The following MAD1L1 variants were observed in gnomAD, a reference collection of about 807,000 sequenced individuals.
MAD1L1 encodes mitotic spindle assembly checkpoint protein MAD1.
A neutral mutation model predicts 96.9 loss-of-function variants in MAD1L1; 95 were observed. The observed-to-expected ratio is 0.98, with a 90% CI of 0.83 to 1.16. The LOEUF (loss-of-function observed/expected upper bound fraction) is 1.16. Among genes scored for constraint, MAD1L1 ranks in the 50% most tolerant of loss-of-function variants. The pLI, the probability that MAD1L1 is intolerant of heterozygous loss-of-function variation, is 0.00. For missense variants in MAD1L1, 1,007 were observed against 954.4 expected (o/e 1.06, Z -0.73); for synonymous variants, 473 against 396.6 (o/e 1.19, Z -2.29).
intron 11 of MAD1L1, among the ~76,000 whole-genome samples, chr7:2,120,798 G>A (rs1787941431): frequency 6.6e-6 from 1 of 152,244 alleles, no homozygotes. Flanking sequence ...CCCCATGGGA[G>A]GAACTCGGGG....
intron 17 of MAD1L1, among the ~76,000 whole-genome samples, chr7:1,909,398 A>G (rs948501541): frequency 1.3e-5 from 2 of 152,210 alleles, no homozygotes; most frequent in Non-Finnish European, 1.5e-5. Context: ...TCAGTTTTAC[A>G]TTTTTAAATA....
At chr7:1,857,617 G>C (rs1784322800) in intron 18 of MAD1L1, among the ~76,000 whole-genome samples, 1 of 152,358 alleles carries the variant, frequency 6.6e-6, no homozygotes, top group South Asian at 2.1e-4. Flanking sequence ...CCCTGGACCA[G>C]GGCTGCCTGG....
intron 11 of MAD1L1, among the ~76,000 whole-genome samples, chr7:2,093,643 C>T (rs1018756822): frequency 2.0e-5 from 3 of 152,198 alleles, no homozygotes; most frequent in African/African-American, 7.2e-5. Flanking sequence ...GGTGTGGGAA[C>T]ACAGCTCACA....
At chr7:1,828,329 G>C (rs574656124) in intron 18 of MAD1L1, among the ~76,000 whole-genome samples, 1 of 152,142 alleles carries the variant, frequency 6.6e-6, no homozygotes, top group Non-Finnish European at 1.5e-5. Flanking sequence ...CCCGAGTTGA[G>C]GGACAGGGCT....
In MAD1L1 at chr7:2,226,067, C is replaced by T. The variant is rs1025487742; in HGVS notation, c.151-517G>A. On this transcript the variant is annotated intron_variant, in intron 3 of 18. Coordinates refer to ENST00000265854, the MANE Select transcript of MAD1L1 (RefSeq NM_001013836.2). The stretch of plus-strand genomic sequence containing the variant: ...TCCAAAGTCAACCACGTCCAATCTC[C>T]CTCATCAAATCCCTCTCCTGCTATG... 3.3e-5 allele frequency among the ~76,000 whole-genome samples: 5 copies of T among 152,170 alleles called. No individual in the cohort carries two copies. The East Asian group carries it at 7.7e-4, about 23-fold the overall frequency.
chr7:2,006,651 A>G (rs149375662), intron 13 of MAD1L1, among the ~76,000 whole-genome samples: 26 of 150,760 alleles, frequency 1.7e-4, no homozygotes, highest in Non-Finnish European at 3.4e-4. Flanking sequence ...GGACATCACT[A>G]AACCCACACA....
At chr7:1,928,666 G>A (rs752087372) in intron 17 of MAD1L1, among the ~76,000 whole-genome samples, 1 of 152,220 alleles carries the variant, frequency 6.6e-6, no homozygotes, top group Non-Finnish European at 1.5e-5. Flanking sequence ...CATTTGAACC[G>A]CTCAGCTGTC....
chr7:2,210,993 A>G (rs1462258707), intron 10 of MAD1L1, among the ~76,000 whole-genome samples: 9 of 152,248 alleles, frequency 5.9e-5, no homozygotes, highest in Non-Finnish European at 1.2e-4. Context: ...ACTGGCCCAG[A>G]GCAGCGCAGT....
intron 11 of MAD1L1, among the ~76,000 whole-genome samples, chr7:2,130,215 T>A (rs1251921033): frequency 6.6e-6 from 1 of 152,114 alleles, no homozygotes; most frequent in Admixed American, 6.5e-5. Context: ...ACCTGAGAGG[T>A]CCAGGGAGCT....
intron 12 of MAD1L1, among the ~76,000 whole-genome samples, chr7:2,043,331 G>C (rs1019605117): frequency 6.6e-6 from 1 of 152,228 alleles, no homozygotes; most frequent in Non-Finnish European, 1.5e-5. Context: ...CAGTGCGGCA[G>C]ACACCCCTCA....
intron 11 of MAD1L1, among the ~76,000 whole-genome samples, chr7:2,127,824 G>A (rs959373228): frequency 4.6e-5 from 7 of 152,112 alleles, no homozygotes; most frequent in Non-Finnish European, 8.8e-5. Flanking sequence ...GAAAGCCTAG[G>A]GTGGAGTTGC....
chr7:2,190,824 G>A (rs1014808589), intron 10 of MAD1L1, among the ~76,000 whole-genome samples: 1 of 152,250 alleles, frequency 6.6e-6, no homozygotes, highest in Non-Finnish European at 1.5e-5. Context: ...GGGGCCAGCG[G>A]AATTCAATGA....
intron 12 of MAD1L1, among the ~76,000 whole-genome samples, chr7:2,068,573 C>G (rs1474102599): frequency 6.6e-6 from 1 of 152,218 alleles, no homozygotes; most frequent in Non-Finnish European, 1.5e-5. Context: ...GGACACCCGC[C>G]CTGGCCCAGA....
At chr7:2,040,641 G>A (rs1189033680) in intron 12 of MAD1L1, among the ~76,000 whole-genome samples, 1 of 152,224 alleles carries the variant, frequency 6.6e-6, no homozygotes, top group Non-Finnish European at 1.5e-5. Context: ...TTGCTGGGGA[G>A]CGTCGGCATT....
At chr7:1,856,318 C>T (rs957920826) in intron 18 of MAD1L1, among the ~76,000 whole-genome samples, 1 of 152,190 alleles carries the variant, frequency 6.6e-6, no homozygotes, top group Non-Finnish European at 1.5e-5. Context: ...TGGCTGAAGA[C>T]GTGGGGCCAC....
At chr7:1,897,951 G>C (rs939214386) in intron 18 of MAD1L1, among the ~76,000 whole-genome samples, 2 of 152,262 alleles carry the variant, frequency 1.3e-5, no homozygotes, top group African/African-American at 4.8e-5. Flanking sequence ...GGCTGAGAAA[G>C]TCAGGGGGAC....
At chr7:2,229,869 C>T (rs1794104040) in intron 3 of MAD1L1, 115 bp downstream of exon 3, 2 of 1,132,424 alleles carry the variant, frequency 1.8e-6, no homozygotes, top group Non-Finnish European at 1.2e-6. Context: ...AGACGAATAG[C>T]TGTCTCTAGG....
At chr7:1,943,131 G>A (rs1281629034) in intron 16 of MAD1L1, among the ~76,000 whole-genome samples, 2 of 152,200 alleles carry the variant, frequency 1.3e-5, no homozygotes, top group African/African-American at 2.4e-5. Flanking sequence ...AGTAACAATG[G>A]ATCCAAGACC....
chr7:2,089,273 G>A (rs1446736727), intron 11 of MAD1L1: 1 of 152,324 alleles, frequency 6.6e-6, no homozygotes, highest in Non-Finnish European at 1.5e-5. Flanking sequence ...AATTCCCACA[G>A]GCTGTGGGAG....
Sources: allele counts gnomAD v4.1 joint callset (sites outside exome capture counted in the v4.1 genomes callset), GRCh38; gene constraint gnomAD v4.1.1; transcripts MANE v1.5; gene names NCBI Gene and HGNC (gene_info 2026-07-23, HGNC 2026-07-21).